Variants in PKD2L1 observed in about 807,000 individuals in gnomAD.
PKD2L1 encodes polycystin 2 like 1, transient receptor potential cation channel.
In PKD2L1, 77 loss-of-function variants were observed where a neutral mutation model predicts 93.0. That is an observed-to-expected ratio of 0.83 (90% CI 0.69 to 1.00). The LOEUF (loss-of-function observed/expected upper bound fraction) is 1.00. Among genes scored for constraint, PKD2L1 ranks in the 50% least tolerant of loss-of-function variants. The pLI, the probability that PKD2L1 is intolerant of heterozygous loss-of-function variation, is 0.00. For synonymous variants in PKD2L1, 390 were observed against 388.0 expected (o/e 1.01, Z -0.06); for missense variants, 977 against 990.9 (o/e 0.99, Z 0.19).
At chr10:100,299,246 C>T (rs777601654) in intron 3 of PKD2L1, among the ~76,000 whole-genome samples, 24 of 152,126 alleles carry the variant, frequency 1.6e-4, no homozygotes, top group Non-Finnish European at 2.9e-4. Flanking sequence ...TGTGAGCCAC[C>T]GTGCCCGGCC....
chr10:100,324,400 G>A (rs548516792), intron 2 of PKD2L1, among the ~76,000 whole-genome samples: 32 of 152,146 alleles, frequency 2.1e-4, no homozygotes, highest in Non-Finnish European at 3.8e-4. Flanking sequence ...TAGTTTCACT[G>A]CCCTAAAAAT....
chr10:100,329,455 C>A, intron 1 of PKD2L1, 131 bp from the exon 2 acceptor site: 2 of 1,253,788 alleles, frequency 1.6e-6, no homozygotes, highest in South Asian at 1.4e-5. Flanking sequence ...TCATCCTTGG[C>A]TGAATCTGGC....
At chr10:100,329,406 T>C in intron 1 of PKD2L1, 82 bp from the exon 2 acceptor site, 6 of 1,599,456 alleles carry the variant, frequency 3.8e-6, no homozygotes, top group Non-Finnish European at 4.3e-6. Context: ...CTCTGGACTT[T>C]AGCCCCTTTC....
chr10:100,290,004 G>C lies in PKD2L1; in HGVS notation c.2250+11C>G. 6.2e-7 allele frequency: 1 copy of C among 1,614,046 alleles called. No individual in the cohort carries two copies. Among genetic ancestry groups the C allele is most frequent in the Non-Finnish European group, 8.5e-7 (1 of 1,179,906 alleles). Reference sequence around the variant, plus strand: ...TGAGGAACTAGGAGGACCAGGTGAAGGGCCACTCACCACGCCTGGGGAGGG... The same window carrying C: ...TGAGGAACTAGGAGGACCAGGTGAACGGCCACTCACCACGCCTGGGGAGGG... On this transcript the variant is annotated intron_variant, in intron 14 of 15. Transcript: ENST00000318222.
At chr10:100,310,759 G>T (rs1254325750) in intron 2 of PKD2L1, among the ~76,000 whole-genome samples, 1 of 152,100 alleles carries the variant, frequency 6.6e-6, no homozygotes, top group Non-Finnish European at 1.5e-5. Flanking sequence ...GCCCAGGCTG[G>T]AGTGCAGTGG....
intron 14 of PKD2L1, among the ~76,000 whole-genome samples, 170 bp from the exon 15 acceptor site, chr10:100,289,226 C>G (rs1848349367): frequency 6.6e-6 from 1 of 152,170 alleles, no homozygotes; most frequent in African/African-American, 2.4e-5. Flanking sequence ...GGAGGTGGGG[C>G]CTTTGGCAGG....
At chr10:100,296,957 A>C (rs1848553082) in intron 6 of PKD2L1, 23 bp downstream of exon 6, 1 of 1,525,104 alleles carries the variant, frequency 6.6e-7, no homozygotes. Context: ...GAATGTCCCA[A>C]GTCCTAGATA....
At chr10:100,299,005 T>C (rs1191495538) in intron 3 of PKD2L1, among the ~76,000 whole-genome samples, 190 bp from the exon 4 acceptor site, 1 of 149,896 alleles carries the variant, frequency 6.7e-6, no homozygotes, top group African/African-American at 2.5e-5. Flanking sequence ...TGGAGTGCAG[T>C]GACACAATCT....
At chr10:100,295,731 CAAA>C (rs71013441) in intron 7 of PKD2L1, among the ~76,000 whole-genome samples, 974 of 56,600 alleles carry the variant, frequency 0.017, 3 homozygotes, top group Middle Eastern at 0.029. Flanking sequence ...GACTTCGTCT[CAAA>C]AAAAAAAAAA....
rs376384813 is a variant in PKD2L1 at position 100,305,253 on chromosome 10, G to A, written c.350-5535C>T. Among the ~76,000 whole-genome samples, 13 of 151,628 alleles carry A rather than the reference G, an allele frequency of 8.6e-5. No homozygotes were observed. In the East Asian group the frequency reaches 2.3e-3, roughly 27 times the overall value. ...CAGGCTCCTGAGTAGCTGGGATTAC[G>A]GGCGCCCGGCACCATACCTGGCTAA... On this transcript the variant is annotated intron_variant, in intron 2 of 15. Coordinates refer to ENST00000318222, the MANE Select transcript of PKD2L1 (RefSeq NM_016112.3).
chr10:100,296,737 T>TA (rs149108649), intron 6 of PKD2L1, among the ~76,000 whole-genome samples: 1,846 of 138,940 alleles, frequency 0.013, 24 homozygotes, highest in Middle Eastern at 0.04. Context: ...TATAGTACAC[T>TA]AAAAAAAAAA....
chr10:100,301,075 T>C (rs1292442348), intron 2 of PKD2L1, among the ~76,000 whole-genome samples: 2 of 152,160 alleles, frequency 1.3e-5, no homozygotes, highest in Non-Finnish European at 2.9e-5. Context: ...GCAGGTTCCA[T>C]GATGCCCCCT....
intron 2 of PKD2L1, among the ~76,000 whole-genome samples, chr10:100,306,202 T>C (rs12776093): frequency 0.063 from 9,522 of 152,146 alleles, 402 homozygotes; most frequent in Non-Finnish European, 0.094. Flanking sequence ...CAATTTGCAT[T>C]TCTAATAAGT....
At chr10:100,296,416 A>C in intron 6 of PKD2L1, 124 bp from the exon 7 acceptor site, 1 of 647,368 alleles carries the variant, frequency 1.5e-6, no homozygotes, top group South Asian at 2.4e-5. Flanking sequence ...ATCCTTGCTG[A>C]CTTGTTCACT....
chr10:100,314,302 C>G (rs1849010602), intron 2 of PKD2L1, among the ~76,000 whole-genome samples: 2 of 152,094 alleles, frequency 1.3e-5, no homozygotes, highest in South Asian at 2.1e-4. Context: ...GGCTTGTACC[C>G]AGAACAGGAA....
Position 100,312,131 on chromosome 10 carries a change from C to T in PKD2L1, c.350-12413G>A, listed in dbSNP as rs143446296. Among the ~76,000 whole-genome samples, 15 of 152,184 alleles carry T rather than the reference C, an allele frequency of 9.9e-5. No homozygotes were observed. The East Asian group carries it at 2.1e-3, about 22-fold the overall frequency. On this transcript the variant is annotated intron_variant, in intron 2 of 15. Coordinates refer to ENST00000318222, the MANE Select transcript of PKD2L1 (RefSeq NM_016112.3). Reference sequence around the variant, plus strand: ...GAGAGTAGGCAGAGGAAAGTAGGAACCTGGAAATGAGGGAAGGGTTAGATC... The same window carrying T: ...GAGAGTAGGCAGAGGAAAGTAGGAATCTGGAAATGAGGGAAGGGTTAGATC...
At chr10:100,301,871 C>T (rs568687856) in intron 2 of PKD2L1, among the ~76,000 whole-genome samples, 10 of 152,312 alleles carry the variant, frequency 6.6e-5, no homozygotes, top group Non-Finnish European at 1.3e-4. Context: ...TCTTCTGTCA[C>T]GGCTTCAGCA....
intron 2 of PKD2L1, among the ~76,000 whole-genome samples, chr10:100,302,335 T>C (rs142415444): frequency 6.6e-6 from 1 of 151,992 alleles, no homozygotes; most frequent in Non-Finnish European, 1.5e-5. Context: ...TGGGTTATAA[T>C]TTATTATTTA....
chr10:100,298,593 G>C lies in PKD2L1; in HGVS notation c.700C>G (p.Gln234Glu), dbSNP rs781397547. 2 of 1,614,126 alleles carry C rather than the reference G, an allele frequency of 1.2e-6. No homozygotes were observed. Among genetic ancestry groups the C allele is most frequent in the South Asian group, 2.2e-5 (2 of 91,088 alleles). The change falls in exon 4 of 16, where the codon CAA becomes GAA. Residue 234 changes from glutamine (Q) to glutamate (E), a missense_variant. Physicochemically the swap from Gln to Glu is conservative, Grantham distance 29 (BLOSUM62 2). Coordinates refer to ENST00000318222, the MANE Select transcript of PKD2L1 (RefSeq NM_016112.3). ...CCATTGAAGGGCCCAAAGGGGAGTT[G>C]TTCTTCTTTGTCTGGAGAGTAGACA... ...YDVYSPDKEEQLPFGPFNGTA... is the reference protein window; with the variant it reads ...YDVYSPDKEEELPFGPFNGTA...
Sources: allele counts gnomAD v4.1 joint callset (sites outside exome capture counted in the v4.1 genomes callset), GRCh38; gene constraint gnomAD v4.1.1; transcripts MANE v1.5; gene names NCBI Gene and HGNC (gene_info 2026-07-23, HGNC 2026-07-21).